PLCE1: variants seen among roughly 807,000 people sequenced by gnomAD.
PLCE1 encodes 1-phosphatidylinositol 4,5-bisphosphate phosphodiesterase epsilon-1.
Under a neutral mutation model 242.8 loss-of-function variants are expected in PLCE1, and 119 were observed. That is an observed-to-expected ratio of 0.49 (90% confidence interval 0.42 to 0.57). The LOEUF (loss-of-function observed/expected upper bound fraction) is 0.57. Among genes scored for constraint, PLCE1 ranks in the 20% least tolerant of loss-of-function variants. The pLI, the probability that PLCE1 is intolerant of heterozygous loss-of-function variation, is 0.00. For synonymous variants in PLCE1, 945 were observed against 1,017.4 expected (o/e 0.93, Z 1.35); for missense variants, 2,441 against 2,788.8 (o/e 0.88, Z 2.81).
At chr10:94,106,944 C>CTCTCTCTCTCTCT (rs1554855409) in intron 2 of PLCE1, 3 of 126,280 alleles carry the variant, frequency 2.4e-5, no homozygotes, top group Non-Finnish European at 5.0e-5. Flanking sequence ...CTCTCTCTCT[C>CTCTCTCTCTCTCT]CCCCTCCCCT....
chr10:94,131,695 G>A (rs533623619), intron 2 of PLCE1, among the ~76,000 whole-genome samples: 5 of 152,176 alleles, frequency 3.3e-5, no homozygotes, highest in Non-Finnish European at 7.3e-5. Flanking sequence ...AGGGGAAATA[G>A]GGAAGTTCTC....
At chr10:94,027,681 C>T (rs1400950330) in intron 1 of PLCE1, among the ~76,000 whole-genome samples, 2 of 152,006 alleles carry the variant, frequency 1.3e-5, no homozygotes, top group East Asian at 1.9e-4. Context: ...ATTAACTGGG[C>T]GTGGTGGCAC....
intron 7 of PLCE1, among the ~76,000 whole-genome samples, chr10:94,244,637 A>C (rs1321162247): frequency 6.6e-6 from 1 of 152,228 alleles, no homozygotes; most frequent in Non-Finnish European, 1.5e-5. Flanking sequence ...GGTTGAGTCC[A>C]GGAGAACTGT....
In PLCE1 at chr10:94,192,439, C is replaced by G. The variant is rs148223994; in HGVS notation, c.1809+20943C>G. ...GCTCCCACTTTTAAGTGAGAACATGCAGTATTTGGTTTTCTGTTCCTGCAT... is the reference window on the plus strand; with the variant it reads ...GCTCCCACTTTTAAGTGAGAACATGGAGTATTTGGTTTTCTGTTCCTGCAT... On this transcript the variant is annotated intron_variant, in intron 4 of 32. Transcript: ENST00000371380. Among the ~76,000 whole-genome samples the G allele has an allele frequency of 8.6e-3, 1,309 of 152,272 alleles. 10 individuals are homozygous for G. The highest frequency in any genetic ancestry group is 0.013 in the Non-Finnish European group (910 of 68,022).
chr10:94,071,948 A>G (rs540889519), intron 2 of PLCE1, among the ~76,000 whole-genome samples: 1 of 152,112 alleles, frequency 6.6e-6, no homozygotes, highest in Admixed American at 6.5e-5. Context: ...TGAGGAGCTG[A>G]AAAACCCTGG....
At chr10:94,159,346 CT>C (rs1459767614) in intron 3 of PLCE1, among the ~76,000 whole-genome samples, 1 of 152,156 alleles carries the variant, frequency 6.6e-6, no homozygotes, top group Admixed American at 6.5e-5. Flanking sequence ...ATTAACCAAA[CT>C]TTTTCTAAAC....
intron 31 of PLCE1, 38 bp downstream of exon 31, chr10:94,324,605 T>G: frequency 6.8e-7 from 1 of 1,479,296 alleles, no homozygotes; most frequent in South Asian, 1.1e-5. Flanking sequence ...TCTTAAGTTA[T>G]CTGATACCCA....
At chr10:94,199,481 A>G (rs2048925816) in intron 4 of PLCE1, among the ~76,000 whole-genome samples, 1 of 152,246 alleles carries the variant, frequency 6.6e-6, no homozygotes, top group Non-Finnish European at 1.5e-5. Context: ...TGTGAACCAT[A>G]AAGTGCTATA....
chr10:94,208,329 A>G (rs188356761), intron 4 of PLCE1, among the ~76,000 whole-genome samples: 1 of 152,378 alleles, frequency 6.6e-6, no homozygotes, highest in East Asian at 1.9e-4. Flanking sequence ...TCTGGCAATG[A>G]AACCTCAGAG....
Position 94,330,707 on chromosome 10 carries a change from A to AC in PLCE1, c.*2764_*2765insC, listed in dbSNP as rs1261476228. ...ACTCCATCTCAAAAAAAAAAAAAAA[A>AC]AGTAAAGAGTCTAGTCTACTATTAT... On this transcript the variant is annotated 3_prime_UTR_variant, in exon 33 of 33. Transcript: ENST00000371380. 6 of 152,054 alleles carry AC rather than the reference A, an allele frequency of 3.9e-5. No homozygotes were observed. Among genetic ancestry groups the AC allele is most frequent in the African/African-American group, 1.4e-4 (6 of 41,402 alleles). 9.4% of individuals were successfully genotyped at this position (152,054 alleles called of 1,614,324 possible). A position where few individuals can be genotyped will look rare whatever the true frequency, so the allele number is the denominator to read the frequency against.
intron 3 of PLCE1, among the ~76,000 whole-genome samples, chr10:94,145,416 C>T (rs1046218996): frequency 6.6e-6 from 1 of 152,220 alleles, no homozygotes; most frequent in Non-Finnish European, 1.5e-5. Flanking sequence ...CCATGCCATA[C>T]TCACTGATGA....
intron 2 of PLCE1, among the ~76,000 whole-genome samples, chr10:94,067,136 G>A (rs1448261720): frequency 6.6e-6 from 1 of 152,160 alleles, no homozygotes; most frequent in Non-Finnish European, 1.5e-5. Context: ...TCTAGGACCA[G>A]ACCCTGTTAC....
At chr10:94,132,503 A>G (rs2046632916) in intron 3 of PLCE1, 44 bp downstream of exon 3, 1 of 1,561,588 alleles carries the variant, frequency 6.4e-7, no homozygotes. Context: ...CTTTGACTAC[A>G]GAGAAGGATC....
intron 23 of PLCE1, among the ~76,000 whole-genome samples, chr10:94,297,116 C>A (rs1243777523): frequency 6.6e-6 from 1 of 152,178 alleles, no homozygotes; most frequent in East Asian, 1.9e-4. Context: ...GATCCACCCG[C>A]CTCAGCCTCC....
chr10:94,132,358 A>C lies in PLCE1; in HGVS notation c.1391A>C (p.Gln464Pro), dbSNP rs1306287584. Reference protein sequence around the residue: ...RATLQRTSISQYITGSLLEAT... With the variant: ...RATLQRTSISPYITGSLLEAT... ...ACCCTCCAAAGGACTTCAATATCGCAGTACATCACCGGTTCTCTCCTAGAA... is the reference window on the plus strand; with the variant it reads ...ACCCTCCAAAGGACTTCAATATCGCCGTACATCACCGGTTCTCTCCTAGAA... The change falls in exon 3 of 33, where the codon CAG (glutamine) becomes CCG (proline). Residue 464 changes from glutamine to proline, a missense_variant. Physicochemically the swap from Gln to Pro is moderately conservative, Grantham distance 76 (BLOSUM62 -1). Transcript: ENST00000371380. 4 of 1,613,990 alleles carry C rather than the reference A, an allele frequency of 2.5e-6. No individual in the cohort carries two copies. Among genetic ancestry groups the C allele is most frequent in the Non-Finnish European group, 2.5e-6 (3 of 1,180,008 alleles).
rs190616473 is a variant in PLCE1, at chr10:94,135,060, C to T, written c.1492+2601C>T. Among the ~76,000 whole-genome samples the T allele has an allele frequency of 2.8e-3, 425 of 152,068 alleles. 2 individuals are homozygous for T. Among genetic ancestry groups the T allele is most frequent in the African/African-American group, 9.6e-3 (397 of 41,472 alleles). ...TCCCATTTGGTTTTCAAAGTCTTTA[C>T]GTGCCTCAGTTAAACATATTCCTTT... On this transcript the variant is annotated intron_variant, in intron 3 of 32. Transcript: ENST00000371380.
chr10:94,159,452 T>TTC (rs10571613), intron 3 of PLCE1, among the ~76,000 whole-genome samples: 1 of 151,698 alleles, frequency 6.6e-6, no homozygotes, highest in Non-Finnish European at 1.5e-5. Flanking sequence ...ATCAATATTC[T>TTC]TCTCTCTCTC....
chr10:94,143,924 T>G (rs2047042173), intron 3 of PLCE1, among the ~76,000 whole-genome samples: 1 of 152,246 alleles, frequency 6.6e-6, no homozygotes, highest in South Asian at 2.1e-4. Context: ...TACCTTTGAA[T>G]TTTACAGTCA....
intron 30 of PLCE1, 44 bp from the exon 31 acceptor site, chr10:94,324,305 G>A (rs937591335): frequency 1.4e-6 from 2 of 1,466,176 alleles, no homozygotes; most frequent in Non-Finnish European, 1.9e-6. Flanking sequence ...GCAAATGTTG[G>A]AGATTCTGTG....
Sources: gnomAD v4.1 joint callset for allele counts (sites outside exome capture counted in the v4.1 genomes callset) on GRCh38, gnomAD v4.1.1 for gene constraint, MANE v1.5 for transcripts, NCBI Gene and HGNC (gene_info 2026-07-23, HGNC 2026-07-21) for gene names.